Variants in SLIT3 observed in about 807,000 individuals in gnomAD.
SLIT3 encodes the protein slit homolog 3 protein.
A neutral mutation model predicts 184.0 loss-of-function variants in SLIT3; 68 were observed. That is an observed-to-expected ratio of 0.37 (90% CI 0.30 to 0.45). SLIT3 has a LOEUF of 0.45. Among genes scored for constraint, SLIT3 ranks in the 20% least tolerant of loss-of-function variants. The probability of loss-of-function intolerance (pLI) is 1.00; values close to 1 mark genes in which losing one functional copy is unlikely to be tolerated. For missense variants in SLIT3, 1,707 were observed against 2,026.0 expected (o/e 0.84, Z 3.02); for synonymous variants, 831 against 828.6 (o/e 1.00, Z -0.05).
intron 4 of SLIT3, among the ~76,000 whole-genome samples, chr5:168,885,873 C>T (rs1043858319): frequency 2.6e-5 from 4 of 152,118 alleles, no homozygotes; most frequent in Admixed American, 6.5e-5. Context: ...ATTTGCAATA[C>T]GGTGGGATGA....
chr5:169,058,207 G>A (rs1272681116), intron 4 of SLIT3, among the ~76,000 whole-genome samples: 1 of 152,238 alleles, frequency 6.6e-6, no homozygotes, highest in Non-Finnish European at 1.5e-5. Context: ...CGAGCCTTGT[G>A]ACATCCACTG....
chr5:169,000,940 G>A (rs568164792), intron 4 of SLIT3, among the ~76,000 whole-genome samples: 2 of 151,986 alleles, frequency 1.3e-5, no homozygotes, highest in Non-Finnish European at 1.5e-5. Flanking sequence ...GAGTTGCGTC[G>A]GAAAGCTTTC....
At chr5:169,072,718 A>T (rs187752179) in intron 4 of SLIT3, among the ~76,000 whole-genome samples, 19 of 152,348 alleles carry the variant, frequency 1.2e-4, no homozygotes, top group Admixed American at 3.9e-4. Context: ...CGGAAGACAG[A>T]AGCCATACCA....
intron 4 of SLIT3, among the ~76,000 whole-genome samples, chr5:168,907,151 G>A (rs761979399): frequency 1.6e-4 from 25 of 152,132 alleles, no homozygotes; most frequent in East Asian, 1.5e-3. Flanking sequence ...ATGAACCACC[G>A]CGCCCAGCTG....
chr5:168,915,588 T>C (rs537561585), intron 4 of SLIT3, among the ~76,000 whole-genome samples: 3 of 152,210 alleles, frequency 2.0e-5, no homozygotes, highest in Non-Finnish European at 4.4e-5. Context: ...TATGCGAACA[T>C]ATCCAAAATA....
intron 4 of SLIT3, among the ~76,000 whole-genome samples, chr5:168,897,647 T>TGTGCACACACACACACACACAC (rs3223457): frequency 7.1e-6 from 1 of 141,414 alleles, no homozygotes; most frequent in Non-Finnish European, 1.5e-5. Flanking sequence ...CAGGTGCACG[T>TGTGCACACACACACACACACAC]ACACACACAC....
At chr5:168,785,016 C>T (rs374569524) in intron 12 of SLIT3, among the ~76,000 whole-genome samples, 13 of 152,076 alleles carry the variant, frequency 8.5e-5, no homozygotes, top group African/African-American at 2.9e-4. Context: ...TGCTGTGTGA[C>T]TGGGGGAGAG....
intron 4 of SLIT3, among the ~76,000 whole-genome samples, chr5:168,905,219 A>T (rs1349628274): frequency 1.3e-5 from 2 of 152,112 alleles, no homozygotes; most frequent in African/African-American, 4.8e-5. Context: ...CCTGCTCATC[A>T]ACAGAGGTGC....
intron 1 of SLIT3, among the ~76,000 whole-genome samples, chr5:169,299,317 G>C (rs1767606697): frequency 1.3e-5 from 2 of 152,176 alleles, no homozygotes; most frequent in Non-Finnish European, 2.9e-5. Context: ...AGAAGTGGAA[G>C]AGAAGAGGAG....
At chr5:169,145,628 T>C (rs142314595) in intron 4 of SLIT3, among the ~76,000 whole-genome samples, 4 of 152,344 alleles carry the variant, frequency 2.6e-5, no homozygotes, top group Admixed American at 2.6e-4. Context: ...AGGGATGCTC[T>C]GTATGGATAA....
chr5:168,731,380 A>G (rs1469240024), intron 20 of SLIT3, among the ~76,000 whole-genome samples: 1 of 151,998 alleles, frequency 6.6e-6, no homozygotes, highest in Non-Finnish European at 1.5e-5. Flanking sequence ...CAAGCACACA[A>G]AAAACTAGTA....
chr5:168,908,961 A>G (rs1337939595), intron 4 of SLIT3, among the ~76,000 whole-genome samples: 1 of 152,144 alleles, frequency 6.6e-6, no homozygotes, highest in East Asian at 1.9e-4. Context: ...CCTATCCCCT[A>G]CTTGGATGTG....
intron 12 of SLIT3, among the ~76,000 whole-genome samples, chr5:168,783,261 A>G (rs980132398): frequency 4.3e-5 from 5 of 116,318 alleles, no homozygotes; most frequent in Non-Finnish European, 6.7e-5. Context: ...TTGTGGATGC[A>G]CTTGCCGCAG....
chr5:168,876,318 CT>C (rs1759728397), intron 5 of SLIT3, among the ~76,000 whole-genome samples: 1 of 152,182 alleles, frequency 6.6e-6, no homozygotes, highest in African/African-American at 2.4e-5. Context: ...CTCCCCACTG[CT>C]GCTGAAGCTG....
intron 4 of SLIT3, among the ~76,000 whole-genome samples, chr5:169,192,492 C>G (rs2113468203): frequency 6.6e-6 from 1 of 151,864 alleles, no homozygotes; most frequent in Non-Finnish European, 1.5e-5. Flanking sequence ...TAATTCAGAA[C>G]TCATTCGTAA....
chr5:169,161,862 G>C (rs996973036), intron 4 of SLIT3, among the ~76,000 whole-genome samples: 1 of 151,946 alleles, frequency 6.6e-6, no homozygotes, highest in Non-Finnish European at 1.5e-5. Flanking sequence ...GGTGACCCTG[G>C]GCAAGTCATA....
intron 19 of SLIT3, 127 bp downstream of exon 19, chr5:168,749,345 A>C: frequency 9.2e-7 from 1 of 1,091,798 alleles, no homozygotes; most frequent in Non-Finnish European, 1.3e-6. Flanking sequence ...AGAGCTCTCC[A>C]GAGCTCCAGC....
At chr5:168,724,577 T>C (rs961752828) in intron 20 of SLIT3, 93 bp from the exon 21 acceptor site, 2 of 956,934 alleles carry the variant, frequency 2.1e-6, no homozygotes, top group Admixed American at 4.5e-5. Context: ...CCAGGCTGGA[T>C]TAGGTCCCTC....
chr5:169,224,975 C>T (rs1051167059), intron 3 of SLIT3, among the ~76,000 whole-genome samples: 17 of 152,158 alleles, frequency 1.1e-4, no homozygotes, highest in Admixed American at 9.8e-4. Context: ...TGAGCCCCCA[C>T]GTTTGGCCCA....
Sources: gnomAD v4.1 joint callset for allele counts (sites outside exome capture counted in the v4.1 genomes callset) on GRCh38, gnomAD v4.1.1 for gene constraint, MANE v1.5 for transcripts, NCBI Gene and HGNC (gene_info 2026-07-23, HGNC 2026-07-21) for gene names.